BCAR3: variants seen among roughly 807,000 people sequenced by gnomAD.
BCAR3 encodes the protein BCAR3 adaptor protein, NSP family member, also known as breast cancer anti-estrogen resistance protein 3.
A neutral mutation model predicts 80.1 loss-of-function variants in BCAR3; 37 were observed. The observed-to-expected ratio is 0.46, with a 90% CI of 0.36 to 0.61. BCAR3 has a LOEUF of 0.61. Ranked by LOEUF, BCAR3 falls within the 20% of genes least tolerant of loss-of-function variation. BCAR3 has a pLI of 0.00. For synonymous variants in BCAR3, 389 were observed against 418.9 expected (o/e 0.93, Z 0.87); for missense variants, 978 against 1,068.2 (o/e 0.92, Z 1.18).
rs752101100 is a variant in BCAR3 at position 93,592,405 on chromosome 1, A to T, written c.358-12T>A. ...CTCTCCTTGGAGAACTGCAACACAGAGTCAACCATGAGCTCACCCTGCCCA... is the reference window on the plus strand; with the variant it reads ...CTCTCCTTGGAGAACTGCAACACAGTGTCAACCATGAGCTCACCCTGCCCA... On this transcript the variant is annotated splice_polypyrimidine_tract_variant and intron_variant, in intron 3 of 11. Transcript: ENST00000260502. The surrounding 1 kb of genome is among the most constrained non-coding windows in gnomAD (Gnocchi z 4.8). 2 of 1,587,402 alleles carry T rather than the reference A, an allele frequency of 1.3e-6. No homozygotes were observed. Among genetic ancestry groups the T allele is most frequent in the East Asian group, 4.5e-5 (2 of 44,710 alleles).
chr1:93,846,595 TG>T (rs1207589051), intron 1 of BCAR3, among the ~76,000 whole-genome samples: 1 of 152,004 alleles, frequency 6.6e-6, no homozygotes, highest in Non-Finnish European at 1.5e-5. Flanking sequence ...CCAGGCCCGC[TG>T]CCGTCCCCAC....
chr1:93,653,646 G>A lies in BCAR3; in HGVS notation c.318-11303C>T, dbSNP rs546286466. ...CTCCAGAGAGGTTACAGCACAGGGC[G>A]GAAGACAGCTTAACAGACCCAACAA... On this transcript the variant is annotated intron_variant, in intron 2 of 11. Transcript: ENST00000260502. Among the ~76,000 whole-genome samples the A allele has an allele frequency of 3.3e-5, 5 of 152,246 alleles. No individual in the cohort carries two copies. The South Asian group carries it at 6.2e-4, about 19-fold the overall frequency.
In BCAR3 at chr1:93,571,693, T is replaced by C. The variant is rs575537040; in HGVS notation, c.1951A>G (p.Met651Val). The part of the protein sequence containing the change: ...MGDLYSFSAL[M>V]KALEMPQITR... ...ACCTGTGGCATTTCCAGGGCTTTCA[T>C]GAGAGCTGAGAAGGAATAGAGGTCC... Residue 651 changes from methionine (M) to valine (V), a missense_variant, in exon 9 of 12, where the codon ATG becomes GTG. By Grantham distance (21) the Met-to-Val change is conservative (BLOSUM62 1). Transcript: ENST00000260502. 42 of 1,613,620 alleles carry C rather than the reference T, an allele frequency of 2.6e-5. No individual in the cohort carries two copies. In the Middle Eastern group the frequency reaches 6.6e-4, roughly 25 times the overall value.
intron 2 of BCAR3, among the ~76,000 whole-genome samples, chr1:93,813,362 C>T (rs1227120864): frequency 6.6e-6 from 1 of 152,156 alleles, no homozygotes; most frequent in Middle Eastern, 3.2e-3. Flanking sequence ...GAGGCCTCAC[C>T]TCACTGCCCC....
chr1:93,635,946 C>T (rs761440001), intron 3 of BCAR3, among the ~76,000 whole-genome samples: 1 of 152,186 alleles, frequency 6.6e-6, no homozygotes, highest in Admixed American at 6.5e-5. Flanking sequence ...ATCTTGAGCA[C>T]AAAAAGGGAG....
At chr1:93,763,807 C>G (rs964203134) in intron 2 of BCAR3, among the ~76,000 whole-genome samples, 2 of 152,194 alleles carry the variant, frequency 1.3e-5, no homozygotes, top group African/African-American at 4.8e-5. Context: ...TGCCAACCTC[C>G]ATGGTGTAAA....
At chr1:93,839,893 T>C (rs1212089197) in intron 2 of BCAR3, among the ~76,000 whole-genome samples, 2 of 152,124 alleles carry the variant, frequency 1.3e-5, no homozygotes, top group Non-Finnish European at 2.9e-5. Flanking sequence ...GAGGGGATCT[T>C]AGTAAAATAC....
intron 2 of BCAR3, among the ~76,000 whole-genome samples, chr1:93,736,677 AG>A (rs1161035148): frequency 4.6e-5 from 7 of 152,234 alleles, no homozygotes; most frequent in South Asian, 2.1e-4. Flanking sequence ...TATGGCACTA[AG>A]GGGGTCCAGG....
intron 3 of BCAR3, among the ~76,000 whole-genome samples, chr1:93,630,427 C>G (rs1402544031): frequency 6.6e-6 from 1 of 151,130 alleles, no homozygotes; most frequent in South Asian, 2.1e-4. Context: ...AGTTTGAGAC[C>G]AGCCTGGCCA....
intron 3 of BCAR3, among the ~76,000 whole-genome samples, chr1:93,632,071 A>C (rs1675638392): frequency 6.6e-6 from 1 of 152,230 alleles, no homozygotes; most frequent in African/African-American, 2.4e-5. Flanking sequence ...GGCAGCAGAG[A>C]GATGCTGCTC....
At chr1:93,737,663 G>T (rs1651023276) in intron 2 of BCAR3, among the ~76,000 whole-genome samples, 1 of 152,206 alleles carries the variant, frequency 6.6e-6, no homozygotes, top group South Asian at 2.1e-4. Context: ...GTGGTCATTT[G>T]TTACAGCAAC....
intron 2 of BCAR3, among the ~76,000 whole-genome samples, chr1:93,732,616 C>G (rs1483332976): frequency 6.9e-6 from 1 of 143,962 alleles, no homozygotes; most frequent in East Asian, 2.2e-4. Flanking sequence ...GACCTTGTCT[C>G]AAAAAAAGAA....
At chr1:93,749,584 G>A (rs1163577892) in intron 2 of BCAR3, among the ~76,000 whole-genome samples, 18 of 125,382 alleles carry the variant, frequency 1.4e-4, no homozygotes, top group African/African-American at 6.4e-4. Flanking sequence ...GCGAGACTCC[G>A]TCAAAAAAAA....
intron 2 of BCAR3, among the ~76,000 whole-genome samples, chr1:93,733,413 CA>C (rs1056547094): frequency 2.6e-5 from 4 of 152,118 alleles, no homozygotes; most frequent in African/African-American, 4.8e-5. Flanking sequence ...TGCCCAGGAA[CA>C]GGAAGCCGGT....
intron 2 of BCAR3, among the ~76,000 whole-genome samples, chr1:93,743,107 T>C (rs1431410816): frequency 6.6e-6 from 1 of 152,230 alleles, no homozygotes; most frequent in Non-Finnish European, 1.5e-5. Flanking sequence ...TGATCAGTTT[T>C]TGTTATCAGA....
At chr1:93,564,668 T>C (rs1003003641) in intron 11 of BCAR3, among the ~76,000 whole-genome samples, 1 of 152,246 alleles carries the variant, frequency 6.6e-6, no homozygotes, top group South Asian at 2.1e-4. Context: ...TTTGGGTCTA[T>C]GATCCATTTT....
In BCAR3 at chr1:93,701,430, C is replaced by T. The variant is rs185124887; in HGVS notation, c.-12+4662G>A. 3.1e-3 allele frequency among the ~76,000 whole-genome samples: 477 copies of T among 152,296 alleles called. 1 individual carries two copies. Among genetic ancestry groups the T allele is most frequent in the Non-Finnish European group, 5.2e-3 (356 of 68,026 alleles). ...CCAGGCTGGGGGAGGGCATTGATGC[C>T]CTCATGTGCATCGGTCTGTTGGGCC... On this transcript the variant is annotated intron_variant, in intron 3 of 13. Coordinates refer to the BCAR3 transcript ENST00000370244.
intron 2 of BCAR3, among the ~76,000 whole-genome samples, chr1:93,652,273 T>C (rs1252358786): frequency 2.0e-5 from 3 of 152,174 alleles, no homozygotes; most frequent in Non-Finnish European, 4.4e-5. Context: ...TAGAGAAGCA[T>C]GGGAAAGAAT....
upstream of BCAR3, chr1:93,848,126 T>TA (rs1258869226): frequency 6.6e-6 from 1 of 152,512 alleles, no homozygotes; most frequent in Non-Finnish European, 1.5e-5. Flanking sequence ...GACACCCGAA[T>TA]CCCAGCGGGA....
Sources: allele counts gnomAD v4.1 joint callset (sites outside exome capture counted in the v4.1 genomes callset), GRCh38; gene constraint gnomAD v4.1.1; non-coding constraint Gnocchi (gnomAD v3.1); transcripts MANE v1.5; gene names NCBI Gene and HGNC (gene_info 2026-07-23, HGNC 2026-07-21).